Variants in FAM117B observed in about 807,000 individuals in gnomAD.
FAM117B encodes the protein family with sequence similarity 117 member B, also known as protein FAM117B.
Under a neutral mutation model 52.8 loss-of-function variants are expected in FAM117B, and 22 were observed. The ratio of observed to expected loss-of-function variants is 0.42; its 90% confidence interval spans 0.30 to 0.59. FAM117B has a LOEUF of 0.59. Among genes scored for constraint, FAM117B ranks in the 20% least tolerant of loss-of-function variants. The pLI is 0.22. For synonymous variants in FAM117B, 309 were observed against 324.1 expected (o/e 0.95, Z 0.50); for missense variants, 678 against 802.6 (o/e 0.84, Z 1.88).
rs1021470902 is a variant in FAM117B at position 202,767,814 on chromosome 2, C to T, written c.*2050C>T. The T allele has an allele frequency of 3.3e-5, 5 of 152,064 alleles. No homozygotes were observed. The highest frequency in any genetic ancestry group is 1.9e-4 in the East Asian group (1 of 5,198). 9.4% of individuals were successfully genotyped at this position (152,064 alleles called of 1,614,324 possible). ...GATAAATTCAACATTTGAATAAATC[C>T]GTCAGGTTTTAGATGGTGGGATTGA... On this transcript the variant is annotated 3_prime_UTR_variant, in exon 8 of 8. Transcript: ENST00000392238.
chr2:202,696,150 AACTT>A, intron 2 of FAM117B, 118 bp downstream of exon 2: 1 of 1,138,532 alleles, frequency 8.8e-7, no homozygotes, highest in African/African-American at 1.6e-5. Context: ...TAACTTGAGA[AACTT>A]ACCAAAAAGA....
At chr2:202,711,074 A>G (rs992841042) in intron 2 of FAM117B, among the ~76,000 whole-genome samples, 4 of 152,170 alleles carry the variant, frequency 2.6e-5, no homozygotes, top group African/African-American at 4.8e-5. Flanking sequence ...GTATATGCCT[A>G]GGAGTAGGAT....
At chr2:202,749,536 G>T (rs536522919) in intron 4 of FAM117B, among the ~76,000 whole-genome samples, 2 of 151,980 alleles carry the variant, frequency 1.3e-5, no homozygotes, top group Non-Finnish European at 2.9e-5. Context: ...CTAGATAGAA[G>T]AGTTTTTATA....
chr2:202,679,978 A>C (rs1306257945), intron 1 of FAM117B, among the ~76,000 whole-genome samples: 6 of 152,224 alleles, frequency 3.9e-5, no homozygotes, highest in Non-Finnish European at 5.9e-5. Context: ...TTAAAGGAAA[A>C]CATGAATGTA....
intron 1 of FAM117B, among the ~76,000 whole-genome samples, chr2:202,682,230 G>C (rs777323347): frequency 6.6e-5 from 10 of 152,200 alleles, no homozygotes; most frequent in Non-Finnish European, 1.3e-4. Context: ...CAAGAATTCA[G>C]ATGCCACGAA....
At chr2:202,721,466 A>G (rs1046490641) in intron 2 of FAM117B, among the ~76,000 whole-genome samples, 4 of 152,142 alleles carry the variant, frequency 2.6e-5, no homozygotes, top group Non-Finnish European at 2.9e-5. Context: ...ATATATCTTT[A>G]TGACCATAGA....
At chr2:202,708,264 T>C (rs559537991) in intron 2 of FAM117B, among the ~76,000 whole-genome samples, 90 of 152,334 alleles carry the variant, frequency 5.9e-4, no homozygotes, top group Middle Eastern at 3.4e-3. Flanking sequence ...CCATTCCATT[T>C]CTGATTCTAT....
chr2:202,734,581 G>A (rs189432088), intron 4 of FAM117B, among the ~76,000 whole-genome samples: 49 of 152,316 alleles, frequency 3.2e-4, no homozygotes, highest in African/African-American at 1.1e-3. Flanking sequence ...TGCACTCTGA[G>A]GTCAGACTGT....
chr2:202,645,363 A>G (rs922297292), intron 1 of FAM117B, among the ~76,000 whole-genome samples: 1 of 150,782 alleles, frequency 6.6e-6, no homozygotes, highest in African/African-American at 2.4e-5. Flanking sequence ...ATCTCGGCTC[A>G]CTGCAGGCTC....
intron 4 of FAM117B, among the ~76,000 whole-genome samples, chr2:202,737,629 T>G (rs928553552): frequency 6.6e-6 from 1 of 151,588 alleles, no homozygotes; most frequent in Non-Finnish European, 1.5e-5. Context: ...TGAGACAGAG[T>G]CTCGCTCTGT....
At position 202,728,604 on chromosome 2, in the gene FAM117B, T is replaced by C. The variant is rs1164852110; in HGVS notation, c.960+2241T>C. Reference sequence around the variant, plus strand: ...ATAAATGGTATGTGTTTCTAAAAAATAAGGCCACTTTTTACTCCCAGTCCA... The same window carrying C: ...ATAAATGGTATGTGTTTCTAAAAAACAAGGCCACTTTTTACTCCCAGTCCA... On this transcript the variant is annotated intron_variant, in intron 4 of 7. Transcript: ENST00000392238. 3.9e-5 allele frequency among the ~76,000 whole-genome samples: 6 copies of C among 152,260 alleles called. No individual in the cohort carries two copies. The East Asian group carries it at 1.2e-3, about 29-fold the overall frequency.
intron 1 of FAM117B, among the ~76,000 whole-genome samples, chr2:202,680,426 A>C (rs1235152485): frequency 1.3e-5 from 2 of 152,162 alleles, no homozygotes; most frequent in Non-Finnish European, 2.9e-5. Context: ...TAATTTAAAA[A>C]AGTCTGAAGA....
chr2:202,755,565 C>G lies in FAM117B; in HGVS notation c.988C>G (p.Pro330Ala), dbSNP rs956664257. 3 of 1,614,032 alleles carry G rather than the reference C, an allele frequency of 1.9e-6. No homozygotes were observed. The highest frequency in any genetic ancestry group is 1.3e-5 in the African/African-American group (1 of 75,032). ...TCCTGTTCCAAAGAGTGCACTTATT[C>G]CTGTAATTCCCATCACCAAATCAAC... ...QAPVPKSALI[P>A]VIPITKSTGS... The change falls in exon 5 of 8, where the codon CCT becomes GCT. Residue 330 changes from proline to alanine, a missense_variant. Physicochemically the swap from Pro to Ala is conservative, Grantham distance 27. Around this residue, in one of 3 missense-constraint regions of FAM117B, gnomAD observed 583 missense variants for 644.8 expected, o/e 0.90. Transcript: ENST00000392238.
intron 2 of FAM117B, among the ~76,000 whole-genome samples, chr2:202,710,489 T>C (rs151308104): frequency 1.1e-4 from 16 of 152,266 alleles, no homozygotes; most frequent in African/African-American, 3.6e-4. Flanking sequence ...TATTTGATTA[T>C]AATGCATAAT....
chr2:202,635,614 C>T lies in FAM117B; in HGVS notation c.427C>T (p.Pro143Ser). 3.1e-6 allele frequency: 4 copies of T among 1,289,706 alleles called. No individual in the cohort carries two copies. Among genetic ancestry groups the T allele is most frequent in the Non-Finnish European group, 2.9e-6 (3 of 1,024,316 alleles). 79.9% of individuals were successfully genotyped at this position (1,289,706 alleles called of 1,614,324 possible). ...CGGGAGCCCCCCACGGCCGCCGCCG[C>T]CGCCGCCGCTGCTGGGCACCGTGTC... Reference protein sequence around the residue: ...ARGSPPRPPPPPPLLGTVSSP... With the variant: ...ARGSPPRPPPSPPLLGTVSSP... Residue 143 changes from proline to serine, a missense_variant, in exon 1 of 8, where the codon CCG (proline) becomes TCG (serine). Physicochemically the swap from Pro to Ser is moderately conservative, Grantham distance 74. Transcript: ENST00000392238.
intron 7 of FAM117B, among the ~76,000 whole-genome samples, chr2:202,759,809 G>A (rs1276479809): frequency 6.6e-6 from 1 of 151,962 alleles, no homozygotes; most frequent in Admixed American, 6.6e-5. Flanking sequence ...CACCTGCCTC[G>A]GCCTACCAAA....
At chr2:202,652,363 T>C (rs760489402) in intron 1 of FAM117B, among the ~76,000 whole-genome samples, 1 of 152,068 alleles carries the variant, frequency 6.6e-6, no homozygotes, top group Non-Finnish European at 1.5e-5. Context: ...GGCCTTCCAG[T>C]GTTAGGATTA....
rs748068429 is a variant in FAM117B, at chr2:202,725,083, G to T, written c.846+74G>T. The T allele has an allele frequency of 1.2e-5, 13 of 1,109,202 alleles. No individual in the cohort carries two copies. The South Asian group carries it at 2.1e-4, about 18-fold the overall frequency. The allele number at this position is 1,109,202 out of a possible 1,614,324, so 68.7% of individuals were successfully genotyped here. A position where few individuals can be genotyped will look rare whatever the true frequency, so the allele number is the denominator to read the frequency against. ...GTTGGCTATTTCCTTGATATTATGGGCAGCAAGGATTTGTCGTTTTCCATT... is the reference window on the plus strand; with the variant it reads ...GTTGGCTATTTCCTTGATATTATGGTCAGCAAGGATTTGTCGTTTTCCATT... On this transcript the variant is annotated intron_variant, in intron 3 of 7. Transcript: ENST00000392238.
In FAM117B at chr2:202,724,946, T is replaced by G. The variant is rs1468550987; in HGVS notation, c.783T>G (p.Ser261=). The G allele has an allele frequency of 2.5e-6, 4 of 1,612,726 alleles. No individual in the cohort carries two copies. Among genetic ancestry groups the G allele is most frequent in the Admixed American group, 3.3e-5 (2 of 59,912 alleles). ...QTESAWAEEY[S]EKKKGSHKRS... ...AGAGTGCATGGGCTGAAGAATACTC[T>G]GAAAAGAAGAAAGGGTCTCACAAGC... The change falls in exon 3 of 8, where the codon TCT becomes TCG. Residue 261 remains serine (S), a synonymous_variant. Transcript: ENST00000392238.
Sources: gnomAD v4.1 joint callset for allele counts (sites outside exome capture counted in the v4.1 genomes callset) on GRCh38, gnomAD v4.1.1 for gene constraint, gnomAD v4.1.1 regional missense constraint, MANE v1.5 for transcripts, NCBI Gene and HGNC (gene_info 2026-07-23, HGNC 2026-07-21) for gene names.